The following ADAMTS19 variants were observed in gnomAD, a reference collection of about 807,000 sequenced individuals.
ADAMTS19 encodes the protein A disintegrin and metalloproteinase with thrombospondin motifs 19.
In ADAMTS19, 93 loss-of-function variants were observed where a neutral mutation model predicts 153.3. That is an observed-to-expected ratio of 0.61 (90% CI 0.51 to 0.72). The LOEUF is 0.72. Among genes scored for constraint, ADAMTS19 ranks in the 30% least tolerant of loss-of-function variants. The pLI, the probability that ADAMTS19 is intolerant of heterozygous loss-of-function variation, is 0.00. For missense variants in ADAMTS19, 1,482 were observed against 1,552.1 expected (o/e 0.95, Z 0.76); for synonymous variants, 600 against 556.6 (o/e 1.08, Z -1.10).
At chr5:129,505,305 A>G (rs951879175) in intron 2 of ADAMTS19, among the ~76,000 whole-genome samples, 15 of 152,142 alleles carry the variant, frequency 9.9e-5, no homozygotes, top group African/African-American at 3.4e-4. Flanking sequence ...TGGAAGTGAG[A>G]TAGTTGAAGC....
intron 7 of ADAMTS19, among the ~76,000 whole-genome samples, chr5:129,556,638 T>A (rs548546289): frequency 1.1e-4 from 16 of 152,258 alleles, no homozygotes; most frequent in African/African-American, 3.8e-4. Context: ...CCCAGTGTTG[T>A]CACAAGAGTT....
At chr5:129,558,523 A>G (rs559031149) in intron 7 of ADAMTS19, among the ~76,000 whole-genome samples, 24 of 152,272 alleles carry the variant, frequency 1.6e-4, no homozygotes, top group African/African-American at 5.5e-4. Context: ...ATGAAGAGAT[A>G]CACTCTACTC....
intron 8 of ADAMTS19, among the ~76,000 whole-genome samples, chr5:129,617,341 A>C (rs25830): frequency 0.42 from 63,824 of 151,810 alleles, 14,916 homozygotes; most frequent in African/African-American, 0.64. Flanking sequence ...GACCAGGATC[A>C]CAAAAGGAAA....
intron 17 of ADAMTS19, among the ~76,000 whole-genome samples, chr5:129,683,554 C>G (rs148564594): frequency 6.6e-6 from 1 of 151,996 alleles, no homozygotes; most frequent in African/African-American, 2.4e-5. Context: ...TGTAAGCATA[C>G]CTGGAGTGAA....
chr5:129,522,562 T>G (rs1478616919), intron 3 of ADAMTS19, among the ~76,000 whole-genome samples: 1 of 151,730 alleles, frequency 6.6e-6, no homozygotes, highest in Non-Finnish European at 1.5e-5. Context: ...TGATTATACA[T>G]GATATTTGAG....
intron 6 of ADAMTS19, among the ~76,000 whole-genome samples, chr5:129,531,007 T>C (rs1443977578): frequency 6.6e-6 from 1 of 152,096 alleles, no homozygotes; most frequent in African/African-American, 2.4e-5. Flanking sequence ...TTATATATAC[T>C]GGAAGTGAAC....
intron 2 of ADAMTS19, among the ~76,000 whole-genome samples, chr5:129,488,178 C>T (rs915606257): frequency 6.6e-5 from 10 of 151,828 alleles, no homozygotes; most frequent in African/African-American, 2.4e-4. Context: ...AGTACTTGTG[C>T]AGGGCTTTGT....
intron 2 of ADAMTS19, among the ~76,000 whole-genome samples, chr5:129,492,241 A>G (rs1021304386): frequency 1.3e-5 from 2 of 152,176 alleles, no homozygotes; most frequent in African/African-American, 4.8e-5. Flanking sequence ...GAACTCATTC[A>G]TTATTGTGAG....
At chr5:129,492,005 G>GTAAAGAAA (rs1223582985) in intron 2 of ADAMTS19, among the ~76,000 whole-genome samples, 5 of 152,150 alleles carry the variant, frequency 3.3e-5, no homozygotes, top group Non-Finnish European at 5.9e-5. Flanking sequence ...TTCCATTGCT[G>GTAAAGAAA]TAAAGAAATA....
intron 20 of ADAMTS19, among the ~76,000 whole-genome samples, chr5:129,703,833 T>TAGATGGAAGA (rs1756021908): frequency 6.6e-6 from 1 of 152,206 alleles, no homozygotes; most frequent in Non-Finnish European, 1.5e-5. Context: ...TTGTTATTTT[T>TAGATGGAAGA]CACAAACATG....
At chr5:129,715,873 T>C (rs1756701819) in intron 21 of ADAMTS19, among the ~76,000 whole-genome samples, 1 of 152,096 alleles carries the variant, frequency 6.6e-6, no homozygotes, top group Non-Finnish European at 1.5e-5. Context: ...AAACGGTGTT[T>C]AAAATTTCAA....
At chr5:129,528,464 T>C (rs1581042162) in intron 5 of ADAMTS19, 56 bp from the exon 6 acceptor site, 1 of 1,342,618 alleles carries the variant, frequency 7.4e-7, no homozygotes, top group East Asian at 2.7e-5. Flanking sequence ...TTGTTGTTGT[T>C]GTTTTGTATA....
At chr5:129,518,232 C>A (rs893016057) in intron 3 of ADAMTS19, among the ~76,000 whole-genome samples, 1 of 152,132 alleles carries the variant, frequency 6.6e-6, no homozygotes, top group African/African-American at 2.4e-5. Flanking sequence ...GTAGTTTGCA[C>A]ACCACAGTAA....
intron 6 of ADAMTS19, among the ~76,000 whole-genome samples, chr5:129,550,044 A>T (rs1430902283): frequency 9.4e-6 from 1 of 106,356 alleles, no homozygotes; most frequent in Admixed American, 1.0e-4. Context: ...ATACATATAC[A>T]TGTATCTGTA....
At chr5:129,710,968 G>A (rs1756427150) in intron 21 of ADAMTS19, among the ~76,000 whole-genome samples, 1 of 152,002 alleles carries the variant, frequency 6.6e-6, no homozygotes, top group South Asian at 2.1e-4. Context: ...GCTGCCCCAG[G>A]GCTAGGCTAG....
intron 3 of ADAMTS19, among the ~76,000 whole-genome samples, chr5:129,522,339 A>ATATG (rs1443128364): frequency 1.7e-5 from 2 of 118,224 alleles, no homozygotes; most frequent in Non-Finnish European, 3.6e-5. Flanking sequence ...ACACATATAT[A>ATATG]TATATATATA....
At chr5:129,625,828 G>A (rs189767657) in intron 10 of ADAMTS19, among the ~76,000 whole-genome samples, 1 of 152,078 alleles carries the variant, frequency 6.6e-6, no homozygotes, top group Non-Finnish European at 1.5e-5. Flanking sequence ...CTTTTGCTGT[G>A]CAGAAGCTCT....
chr5:129,710,058 A>G (rs1378109059), intron 21 of ADAMTS19, among the ~76,000 whole-genome samples: 1 of 151,700 alleles, frequency 6.6e-6, no homozygotes, highest in East Asian at 1.9e-4. Flanking sequence ...GGTTTGCCGC[A>G]CTATCAGCCC....
chr5:129,508,192 T>A (rs1751325667), intron 2 of ADAMTS19, among the ~76,000 whole-genome samples: 1 of 152,004 alleles, frequency 6.6e-6, no homozygotes, highest in Non-Finnish European at 1.5e-5. Context: ...ATACAGGTTT[T>A]AGTATATGAT....
Sources: allele counts gnomAD v4.1 joint callset (sites outside exome capture counted in the v4.1 genomes callset), GRCh38; gene constraint gnomAD v4.1.1; transcripts MANE v1.5; gene names NCBI Gene and HGNC (gene_info 2026-07-23, HGNC 2026-07-21).